The following SEC14L4 variants were observed in gnomAD, a reference collection of about 807,000 sequenced individuals.
SEC14L4 encodes SEC14-like protein 4.
SEC14L4 carries 42 observed loss-of-function variants against 55.1 expected under a neutral mutation model. That is an observed-to-expected ratio of 0.76 (90% CI 0.60 to 0.99). SEC14L4 has a LOEUF of 0.99. Among genes scored for constraint, SEC14L4 ranks in the 50% least tolerant of loss-of-function variants. SEC14L4 has a pLI of 0.00. For missense variants in SEC14L4, 445 were observed against 512.1 expected (o/e 0.87, Z 1.27); for synonymous variants, 206 against 206.8 (o/e 1.00, Z 0.03).
In SEC14L4 at chr22:30,492,019, C is replaced by A. The variant is rs780800202; in HGVS notation, c.771+30G>T. On this transcript the variant is annotated intron_variant, in intron 9 of 11. Transcript: ENST00000255858. The stretch of plus-strand genomic sequence containing the variant: ...TGGGCACTAGATCACAGCTTCTCCC[C>A]TCCTTCCCCATCCTCTGGGCACCCT... 15 of 1,613,640 alleles carry A rather than the reference C, an allele frequency of 9.3e-6. No individual in the cohort carries two copies. In the Admixed American group the frequency reaches 1.0e-4, roughly 11 times the overall value.
chr22:30,501,433 G>C (rs1159888240), intron 2 of SEC14L4, among the ~76,000 whole-genome samples: 1 of 152,230 alleles, frequency 6.6e-6, no homozygotes, highest in African/African-American at 2.4e-5. Flanking sequence ...GGAAGAGAGA[G>C]AGCTGATGCT....
chr22:30,490,818 T>C (rs2146159650), intron 11 of SEC14L4, among the ~76,000 whole-genome samples: 1 of 152,216 alleles, frequency 6.6e-6, no homozygotes, highest in Middle Eastern at 3.4e-3. Context: ...GGTACTGGGA[T>C]TCCTTTATCC....
At position 30,503,748 on chromosome 22, in the gene SEC14L4, C is replaced by A. The variant is rs757014420; in HGVS notation, c.59G>T (p.Arg20Leu). 1 of 1,610,938 alleles carries A rather than the reference C, an allele frequency of 6.2e-7. No individual in the cohort carries two copies. Among genetic ancestry groups the A allele is most frequent in the South Asian group, 1.1e-5 (1 of 91,014 alleles). Reference sequence around the variant, plus strand: ...GGGCAGCAGGTCCTGGAGGTTCTCCCGGAACTGAGCGGAGGAGGATCTGAT... The same window carrying A: ...GGGCAGCAGGTCCTGGAGGTTCTCCAGGAACTGAGCGGAGGAGGATCTGAT... ...PQQQEALARF[R>L]ENLQDLLPIL... Residue 20 changes from arginine (R) to leucine (L), a missense_variant, in exon 2 of 12, where the codon CGG (arginine) becomes CTG (leucine). Transcript: ENST00000255858.
intron 2 of SEC14L4, among the ~76,000 whole-genome samples, chr22:30,501,874 TAC>T (rs374711874): frequency 0.016 from 2,076 of 130,178 alleles, 85 homozygotes; most frequent in Middle Eastern, 0.05. Context: ...TATATATATA[TAC>T]ATACACATAC....
chr22:30,492,834 A>G, intron 7 of SEC14L4: 1 of 372,058 alleles, frequency 2.7e-6, no homozygotes. Context: ...CTGAAATCCC[A>G]GCACTTTGGG....
At chr22:30,494,820 T>A in intron 6 of SEC14L4, 46 bp downstream of exon 6, 1 of 1,264,590 alleles carries the variant, frequency 7.9e-7, no homozygotes, top group South Asian at 1.2e-5. Flanking sequence ...GGCTCACAGC[T>A]GGGAGCCACT....
intron 2 of SEC14L4, among the ~76,000 whole-genome samples, chr22:30,497,126 G>A (rs1936175689): frequency 1.3e-5 from 2 of 152,070 alleles, no homozygotes; most frequent in South Asian, 2.1e-4. Context: ...ATCACTTGAG[G>A]TCAGGAGTTC....
In SEC14L4 at chr22:30,490,201, T is replaced by G; in HGVS notation, c.1127A>C (p.Lys376Thr). Residue 376 changes from lysine to threonine, a missense_variant, in exon 12 of 12, where the codon AAG becomes ACG. Coordinates refer to ENST00000255858, the MANE Select transcript of SEC14L4 (RefSeq NM_174977.4). ...CAGCACCTCCACAGTGTAGCTGAGC[T>G]TCTTGGCATGCATCCGGCTGTAGGT... ...DNTYSRMHAK[K>T]LSYTVEVLLP... 6.2e-7 allele frequency: 1 copy of G among 1,614,122 alleles called. No individual in the cohort carries two copies. Among genetic ancestry groups the G allele is most frequent in the East Asian group, 2.2e-5 (1 of 44,870 alleles).
chr22:30,491,774 C>G (rs760199655), intron 10 of SEC14L4, 32 bp from the exon 11 acceptor site: 76 of 1,612,512 alleles, frequency 4.7e-5, no homozygotes, highest in Non-Finnish European at 6.2e-5. Flanking sequence ...TGGCGACCCC[C>G]TGCCTGGGCT....
chr22:30,495,809 G>A lies in SEC14L4; in HGVS notation c.174+119C>T, dbSNP rs577957477. 6.4e-4 allele frequency: 1,018 copies of A among 1,590,444 alleles called. 5 individuals are homozygous for A. Among genetic ancestry groups the A allele is most frequent in the South Asian group, 6.0e-4 (53 of 87,784 alleles). On this transcript the variant is annotated intron_variant, in intron 3 of 11. Coordinates refer to ENST00000255858, the MANE Select transcript of SEC14L4 (RefSeq NM_174977.4). ...CTTGGGTCTGATGCAGAAAGAGATC[G>A]GGGGAGGAAGAAAGAAGAAACAGGA... is the stretch of plus-strand genomic sequence containing the variant.
In SEC14L4 at chr22:30,505,664, G is replaced by A. The variant is rs1300951570; in HGVS notation, c.-53C>T. ...GGCGCAGGTCCGCCCGCCCGCCGCC[G>A]CCTGGCCTTGTATCCGCTGCCGCCT... is the stretch of plus-strand genomic sequence containing the variant. On this transcript the variant is annotated 5_prime_UTR_variant, in exon 1 of 12. Transcript: ENST00000255858. 4.0e-6 allele frequency: 6 copies of A among 1,485,970 alleles called. No homozygotes were observed. The highest frequency in any genetic ancestry group is 3.8e-5 in the South Asian group (3 of 78,820). 92.0% of individuals were successfully genotyped at this position (1,485,970 alleles called of 1,614,324 possible).
At chr22:30,492,360 G>A (rs991475100) in intron 8 of SEC14L4, 114 bp downstream of exon 8, 3 of 1,172,712 alleles carry the variant, frequency 2.6e-6, no homozygotes, top group Non-Finnish European at 3.7e-6. Flanking sequence ...GGCTCACCAG[G>A]GTCAGGCCAG....
At position 30,496,303 on chromosome 22, in the gene SEC14L4, G is replaced by T. The variant is rs376121027; in HGVS notation, c.131-332C>A. ...AATTTTTTTTAGATTTTTTTTTTTT[G>T]GTAGAGATAGGGATCTTGCTATGTT... is the stretch of plus-strand genomic sequence containing the variant. On this transcript the variant is annotated intron_variant, in intron 2 of 11. Coordinates refer to ENST00000255858, the MANE Select transcript of SEC14L4 (RefSeq NM_174977.4). Among the ~76,000 whole-genome samples the T allele has an allele frequency of 5.1e-3, 761 of 149,804 alleles. 5 individuals carry two copies. The highest frequency in any genetic ancestry group is 0.017 in the African/African-American group (713 of 40,786).
chr22:30,489,877 C>A lies in SEC14L4; in HGVS notation c.*230G>T. 6.4e-7 allele frequency: 1 copy of A among 1,551,808 alleles called. No individual in the cohort carries two copies. Among genetic ancestry groups the A allele is most frequent in the East Asian group, 2.4e-5 (1 of 40,922 alleles). ...CAGCGTTCTCATTCTCAGCCGCATT[C>A]TCTGGGAACAGGGAAAGAGGTTCCT... On this transcript the variant is annotated 3_prime_UTR_variant, in exon 12 of 12. Transcript: ENST00000255858.
intron 7 of SEC14L4, 55 bp from the exon 8 acceptor site, chr22:30,492,612 A>T: frequency 2.2e-6 from 3 of 1,385,190 alleles, no homozygotes; most frequent in Non-Finnish European, 3.1e-6. Flanking sequence ...GTGGGGATAC[A>T]GAGCCACAGC....
At chr22:30,492,585 G>C (rs1019328864) in intron 7 of SEC14L4, 28 bp from the exon 8 acceptor site, 1 of 1,579,718 alleles carries the variant, frequency 6.3e-7, no homozygotes, top group African/African-American at 1.3e-5. Flanking sequence ...CTCTTGAGAA[G>C]CTGGACCAGA....
chr22:30,490,150 G>T lies in SEC14L4; in HGVS notation c.1178C>A (p.Thr393Lys), dbSNP rs368560771. The T allele has an allele frequency of 2.5e-6, 4 of 1,614,160 alleles. No homozygotes were observed. Residue 393 changes from threonine (T) to lysine (K), a missense_variant, in exon 12 of 12, where the codon ACG becomes AAG. Thr to Lys is a moderately conservative substitution (Grantham distance 78). Transcript: ENST00000255858. ...TCTCATCGCCTTGAGACTCTGCAGC[G>T]TCTCCTCAGAGGCCTTGTCGGGAAG... Reference protein sequence around the residue: ...VLLPDKASEETLQSLKAMRPS... With the variant: ...VLLPDKASEEKLQSLKAMRPS...
intron 2 of SEC14L4, among the ~76,000 whole-genome samples, chr22:30,501,250 C>T (rs534719505): frequency 8.5e-5 from 13 of 152,054 alleles, no homozygotes; most frequent in Admixed American, 2.6e-4. Flanking sequence ...GCCAGCAGGT[C>T]CCATCACCCA....
intron 9 of SEC14L4, 31 bp from the exon 10 acceptor site, chr22:30,492,004 A>T: frequency 6.2e-7 from 1 of 1,613,608 alleles, no homozygotes; most frequent in South Asian, 1.1e-5. Context: ...TGGGCACTAG[A>T]TCACAGCTTC....
Sources: allele counts gnomAD v4.1 joint callset (sites outside exome capture counted in the v4.1 genomes callset), GRCh38; gene constraint gnomAD v4.1.1; transcripts MANE v1.5; gene names NCBI Gene and HGNC (gene_info 2026-07-23, HGNC 2026-07-21).